TANGO6: variants seen among roughly 807,000 people sequenced by gnomAD.
The protein encoded by TANGO6 is transport and golgi organization 6 homolog.
In TANGO6, 90 loss-of-function variants were observed where a neutral mutation model predicts 114.2. The ratio of observed to expected loss-of-function variants is 0.79; its 90% CI spans 0.66 to 0.94. The LOEUF is 0.94. TANGO6 is among the 40% of genes least tolerant of loss of function. TANGO6 has a pLI of 0.00. For synonymous variants in TANGO6, 477 were observed against 509.8 expected, an observed-to-expected ratio of 0.94 and a Z score of 0.87; for missense variants, 1,274 against 1,315.3, an observed-to-expected ratio of 0.97 and a Z score of 0.49.
intron 17 of TANGO6, among the ~76,000 whole-genome samples, chr16:69,069,096 C>T (rs113411904): frequency 2.5e-3 from 379 of 152,258 alleles, no homozygotes; most frequent in African/African-American, 7.7e-3. Context: ...TAGACGAGAT[C>T]ACTGGGGTTC....
chr16:68,911,908 G>A (rs1451939110), intron 11 of TANGO6, among the ~76,000 whole-genome samples: 4 of 152,128 alleles, frequency 2.6e-5, no homozygotes, highest in Admixed American at 6.6e-5. Context: ...CAACTTGAAG[G>A]GACTCCCATT....
At chr16:68,924,359 T>G (rs1322575652) in intron 12 of TANGO6, among the ~76,000 whole-genome samples, 3 of 151,996 alleles carry the variant, frequency 2.0e-5, no homozygotes, top group African/African-American at 7.3e-5. Context: ...GGTCAGGAGT[T>G]CCAGACCAGA....
At chr16:68,908,242 C>T (rs1210916010) in intron 10 of TANGO6, among the ~76,000 whole-genome samples, 3 of 152,104 alleles carry the variant, frequency 2.0e-5, no homozygotes, top group Non-Finnish European at 4.4e-5. Context: ...TGGGAGAATT[C>T]AAGGAGGGAA....
chr16:69,070,746 ATATTATTATTATTAT>A (rs145226838), intron 17 of TANGO6, among the ~76,000 whole-genome samples: 38 of 141,742 alleles, frequency 2.7e-4, no homozygotes, highest in African/African-American at 4.4e-4. Flanking sequence ...GCAAGAATCA[ATATTATTATTATTAT>A]TATTATTATT....
At chr16:69,013,277 T>C (rs1379408276) in intron 15 of TANGO6, among the ~76,000 whole-genome samples, 5 of 152,166 alleles carry the variant, frequency 3.3e-5, no homozygotes, top group African/African-American at 1.2e-4. Context: ...TGGTTTAATT[T>C]TTTCTTTTGT....
At chr16:69,000,667 C>G (rs568398978) in intron 15 of TANGO6, among the ~76,000 whole-genome samples, 1 of 152,244 alleles carries the variant, frequency 6.6e-6, no homozygotes, top group East Asian at 1.9e-4. Context: ...TCTCAGCTCA[C>G]TGCAACCTCT....
chr16:69,081,920 G>A (rs370056758), intron 17 of TANGO6, among the ~76,000 whole-genome samples: 11 of 150,836 alleles, frequency 7.3e-5, no homozygotes, highest in East Asian at 3.9e-4. Flanking sequence ...TGCAACCTCC[G>A]CCTCCTGGGT....
chr16:68,932,130 G>T (rs1288645694), intron 14 of TANGO6, among the ~76,000 whole-genome samples: 1 of 150,734 alleles, frequency 6.6e-6, no homozygotes, highest in Non-Finnish European at 1.5e-5. Flanking sequence ...CACTCTTGTT[G>T]CCCAGACTGG....
At chr16:68,992,735 T>G (rs1202738407) in intron 15 of TANGO6, among the ~76,000 whole-genome samples, 3 of 152,162 alleles carry the variant, frequency 2.0e-5, no homozygotes, top group African/African-American at 7.2e-5. Flanking sequence ...TCTTATGTCC[T>G]TTTTCCCTCT....
chr16:68,947,299 C>A (rs936601256), intron 14 of TANGO6, among the ~76,000 whole-genome samples: 1 of 151,858 alleles, frequency 6.6e-6, no homozygotes, highest in Admixed American at 6.6e-5. Context: ...ACTAAAATTA[C>A]AAAAATTGGC....
intron 14 of TANGO6, among the ~76,000 whole-genome samples, chr16:68,970,648 C>G (rs1044248858): frequency 2.6e-5 from 2 of 76,464 alleles, no homozygotes; most frequent in Admixed American, 1.6e-4. Context: ...GCCTGGGCAA[C>G]AAGAACAAAA....
At chr16:68,853,204 G>T (rs1164801980) in intron 1 of TANGO6, among the ~76,000 whole-genome samples, 2 of 151,240 alleles carry the variant, frequency 1.3e-5, no homozygotes, top group Non-Finnish European at 2.9e-5. Context: ...CTTGAACCCA[G>T]GAGACAGGGT....
intron 12 of TANGO6, among the ~76,000 whole-genome samples, chr16:68,923,800 ATTTGTTTTGTTTTGTTTTGT>A (rs145246572): frequency 5.3e-4 from 80 of 150,954 alleles, no homozygotes; most frequent in African/African-American, 1.7e-3. Flanking sequence ...AGGAGGCATG[ATTTGTTTTGTTTTGTTTTGT>A]TTTGTTTTGT....
chr16:68,863,980 G>A (rs748337565), intron 3 of TANGO6, among the ~76,000 whole-genome samples: 1 of 151,812 alleles, frequency 6.6e-6, no homozygotes, highest in Non-Finnish European at 1.5e-5. Flanking sequence ...TTCGAGACCA[G>A]CTTGACCAAC....
chr16:68,990,215 G>A (rs952319343), intron 15 of TANGO6, among the ~76,000 whole-genome samples: 4 of 151,994 alleles, frequency 2.6e-5, no homozygotes, highest in African/African-American at 7.2e-5. Context: ...CTGTTCTCCC[G>A]CTGCTAATAA....
intron 4 of TANGO6, among the ~76,000 whole-genome samples, chr16:68,872,801 A>G (rs1962296946): frequency 1.3e-5 from 2 of 151,298 alleles, no homozygotes; most frequent in Non-Finnish European, 2.9e-5. Flanking sequence ...TGTTCAAGAG[A>G]TTCTCTTGCC....
intron 15 of TANGO6, among the ~76,000 whole-genome samples, chr16:69,015,084 A>C (rs1203994201): frequency 6.6e-6 from 1 of 152,114 alleles, no homozygotes; most frequent in Non-Finnish European, 1.5e-5. Context: ...TGAGACCTCT[A>C]TCACAAGATC....
intron 14 of TANGO6, among the ~76,000 whole-genome samples, chr16:68,947,206 C>T (rs747187339): frequency 3.9e-4 from 60 of 152,164 alleles, no homozygotes; most frequent in Middle Eastern, 3.4e-3. Context: ...GCCTGTAATC[C>T]CAGCACTTTG....
At chr16:68,862,197 C>A (rs1962103072) in intron 2 of TANGO6, among the ~76,000 whole-genome samples, 1 of 151,790 alleles carries the variant, frequency 6.6e-6, no homozygotes, top group Admixed American at 6.6e-5. Flanking sequence ...GCCACCATAT[C>A]CAGCTTGCTT....
Sources: allele counts gnomAD v4.1 joint callset (sites outside exome capture counted in the v4.1 genomes callset), GRCh38; gene constraint gnomAD v4.1.1; transcripts MANE v1.5; gene names NCBI Gene and HGNC (gene_info 2026-07-23, HGNC 2026-07-21).